The following DOCK4 variants were observed in gnomAD, a reference collection of about 807,000 sequenced individuals.
DOCK4 encodes the protein dedicator of cytokinesis protein 4.
Under a neutral mutation model 268.1 loss-of-function variants are expected in DOCK4, and 97 were observed. That is an observed-to-expected ratio of 0.36 (90% CI 0.31 to 0.43). The LOEUF is 0.43. Among genes scored for constraint, DOCK4 ranks in the 20% least tolerant of loss-of-function variants. The probability of loss-of-function intolerance (pLI) is 1.00; values close to 1 mark genes in which losing one functional copy is unlikely to be tolerated. For missense variants in DOCK4, 2,145 were observed against 2,455.7 expected, an observed-to-expected ratio of 0.87 and a Z score of 2.67; for synonymous variants, 954 against 887.2, an observed-to-expected ratio of 1.08 and a Z score of -1.34.
At chr7:112,114,685 G>T (rs1431514442) in intron 1 of DOCK4, among the ~76,000 whole-genome samples, 1 of 152,156 alleles carries the variant, frequency 6.6e-6, no homozygotes, top group African/African-American at 2.4e-5. Flanking sequence ...GTGAACCCGA[G>T]GGACTGAGAT....
At chr7:111,940,935 T>A (rs533091941) in intron 10 of DOCK4, among the ~76,000 whole-genome samples, 1 of 152,322 alleles carries the variant, frequency 6.6e-6, no homozygotes, top group African/African-American at 2.4e-5. Flanking sequence ...AAAAAATGAT[T>A]TTAAAAATCT....
intron 27 of DOCK4, among the ~76,000 whole-genome samples, chr7:111,812,944 G>T (rs1406251543): frequency 6.6e-6 from 1 of 152,162 alleles, no homozygotes; most frequent in Non-Finnish European, 1.5e-5. Context: ...TAAAAAGAAG[G>T]ATTTGATGAG....
intron 23 of DOCK4, among the ~76,000 whole-genome samples, chr7:111,852,373 T>G (rs891837225): frequency 6.6e-6 from 1 of 152,078 alleles, no homozygotes; most frequent in Non-Finnish European, 1.5e-5. Flanking sequence ...TTCTATACAT[T>G]AAGAAAACAA....
chr7:111,863,524 A>G lies in DOCK4; in HGVS notation c.2321T>C (p.Leu774Pro), dbSNP rs1805725406. The G allele has an allele frequency of 6.2e-7, 1 of 1,613,368 alleles. No homozygotes were observed. The highest frequency in any genetic ancestry group is 8.5e-7 in the Non-Finnish European group (1 of 1,179,572). The part of the protein sequence containing the change: ...LSSFPAVYSE[L>P]LKLFDVREVA... ...TTCCCGGACATCAAAGAGCTTCAAC[A>G]GTTCTGAGTACACGGCAGGGAAAGA... The change falls in exon 23 of 53, where the codon CTG becomes CCG. Residue 774 changes from leucine to proline, a missense_variant. Physicochemically the swap from Leu to Pro is moderately conservative, Grantham distance 98. Around this residue, in one of 2 missense-constraint regions of DOCK4, gnomAD observed 1,598 missense variants for 1,986.7 expected, o/e 0.80. Transcript: ENST00000428084.
chr7:112,062,886 C>T (rs1806559956), intron 1 of DOCK4, among the ~76,000 whole-genome samples: 3 of 152,140 alleles, frequency 2.0e-5, no homozygotes, highest in Admixed American at 2.0e-4. Context: ...ACCATGTTAG[C>T]CAGGAAGATC....
intron 1 of DOCK4, among the ~76,000 whole-genome samples, chr7:112,099,365 A>G (rs552357705): frequency 1.3e-5 from 2 of 151,828 alleles, no homozygotes; most frequent in African/African-American, 2.4e-5. Context: ...CCTGATAACC[A>G]TATCTATAAT....
chr7:112,099,389 C>G (rs1810465494), intron 1 of DOCK4, among the ~76,000 whole-genome samples: 1 of 151,786 alleles, frequency 6.6e-6, no homozygotes, highest in Non-Finnish European at 1.5e-5. Context: ...ACCCACCACA[C>G]ACATGCGTCT....
intron 1 of DOCK4, among the ~76,000 whole-genome samples, chr7:112,064,114 G>A (rs1209016498): frequency 6.6e-6 from 1 of 152,168 alleles, no homozygotes; most frequent in Non-Finnish European, 1.5e-5. Flanking sequence ...CACAGGTGCT[G>A]GCAGAGGTAT....
intron 38 of DOCK4, 24 bp downstream of exon 38, chr7:111,767,008 T>C: frequency 6.3e-7 from 1 of 1,580,994 alleles, no homozygotes; most frequent in Non-Finnish European, 8.7e-7. Flanking sequence ...TATGGCCTGA[T>C]CAGGATGCAT....
At chr7:111,877,401 T>G (rs1200956831) in intron 16 of DOCK4, among the ~76,000 whole-genome samples, 1 of 152,232 alleles carries the variant, frequency 6.6e-6, no homozygotes, top group Non-Finnish European at 1.5e-5. Context: ...ATCCCAGCTT[T>G]GTAACTTCCC....
chr7:111,804,446 G>C lies in DOCK4; in HGVS notation c.3166+4375C>G, dbSNP rs187578323. 3.2e-3 allele frequency among the ~76,000 whole-genome samples: 490 copies of C among 152,268 alleles called. 4 individuals are homozygous for C. The highest frequency in any genetic ancestry group is 0.011 in the African/African-American group (461 of 41,552). On this transcript the variant is annotated intron_variant, in intron 30 of 52. Coordinates refer to ENST00000428084, the MANE Select transcript of DOCK4 (RefSeq NM_001363540.2). ...AGGGGCTGGGGAGACAGGGGAATGA[G>C]AAGTTATTGTTTATTGGGTATAGAG... is the stretch of plus-strand genomic sequence containing the variant.
chr7:112,041,997 C>T (rs571317515), intron 1 of DOCK4, among the ~76,000 whole-genome samples: 13 of 152,110 alleles, frequency 8.5e-5, no homozygotes, highest in East Asian at 5.8e-4. Flanking sequence ...AGGTGGCACA[C>T]GCGTGTAGTC....
Position 111,976,159 on chromosome 7 carries a change from A to ATATAT in DOCK4, c.701+972_701+973insATATA, listed in dbSNP as rs60579240. 1.3e-3 allele frequency among the ~76,000 whole-genome samples: 89 copies of ATATAT among 70,156 alleles called. 4 individuals are homozygous for ATATAT. The highest frequency in any genetic ancestry group is 1.7e-3 in the Non-Finnish European group (71 of 40,644). The allele number at this position is 70,156 out of a possible 152,430, so 46.0% of individuals were successfully genotyped here. On this transcript the variant is annotated intron_variant, in intron 8 of 52. Transcript: ENST00000428084. ...CCATCTCAAAAAAAAAAAAAAAAAA[A>ATATAT]AAATATATATATATATATACACACA... is the stretch of plus-strand genomic sequence containing the variant.
intron 1 of DOCK4, among the ~76,000 whole-genome samples, chr7:112,124,458 C>G (rs1005772414): frequency 1.3e-5 from 2 of 152,152 alleles, no homozygotes; most frequent in African/African-American, 4.8e-5. Context: ...AGTATTCTAC[C>G]CATGTCCTTA....
chr7:111,856,452 C>G (rs1805023432), intron 23 of DOCK4, among the ~76,000 whole-genome samples: 1 of 152,154 alleles, frequency 6.6e-6, no homozygotes, highest in Non-Finnish European at 1.5e-5. Flanking sequence ...GATGTAGAAA[C>G]TGTTTTTCAA....
chr7:111,997,125 G>A (rs79856245), intron 4 of DOCK4, among the ~76,000 whole-genome samples: 3,110 of 152,296 alleles, frequency 0.02, 96 homozygotes, highest in East Asian at 0.12. Context: ...CAAAGAGTAA[G>A]CATATGGCTG....
intron 42 of DOCK4, among the ~76,000 whole-genome samples, chr7:111,754,698 G>C (rs1165102885): frequency 2.6e-5 from 4 of 152,216 alleles, no homozygotes; most frequent in Non-Finnish European, 5.9e-5. Flanking sequence ...CAGACAGCTG[G>C]GTGGGGTCCC....
At chr7:112,120,671 G>A (rs1327710741) in intron 1 of DOCK4, among the ~76,000 whole-genome samples, 1 of 152,060 alleles carries the variant, frequency 6.6e-6, no homozygotes, top group African/African-American at 2.4e-5. Flanking sequence ...ATACACATCT[G>A]TTTATGAATT....
intron 44 of DOCK4, among the ~76,000 whole-genome samples, chr7:111,742,335 G>T (rs577848081): frequency 1.4e-3 from 219 of 152,294 alleles, no homozygotes; most frequent in African/African-American, 5.0e-3. Context: ...GACAAATGGG[G>T]ATTAGAACTT....
Sources: allele counts gnomAD v4.1 joint callset (sites outside exome capture counted in the v4.1 genomes callset), GRCh38; gene constraint gnomAD v4.1.1; regional missense constraint gnomAD v4.1.1; transcripts MANE v1.5; gene names NCBI Gene and HGNC (gene_info 2026-07-23, HGNC 2026-07-21).